WT1: variants seen among roughly 807,000 people sequenced by gnomAD.
The protein encoded by WT1 is Wilms tumor protein.
In WT1, 8 loss-of-function variants were observed where a neutral mutation model predicts 60.8. That is an observed-to-expected ratio of 0.13 (90% CI 0.08 to 0.24). The LOEUF is 0.24. WT1 is among the 10% of genes least tolerant of loss of function. The pLI, the probability that WT1 is intolerant of heterozygous loss-of-function variation, is 1.00. For synonymous variants in WT1, 312 were observed against 297.1 expected (o/e 1.05, Z -0.52); for missense variants, 568 against 711.8 (o/e 0.80, Z 2.30).
intron 7 of WT1, 34 bp from the exon 8 acceptor site, chr11:32,392,789 T>C (rs760854185): frequency 1.2e-6 from 2 of 1,601,662 alleles, no homozygotes; most frequent in Non-Finnish European, 1.7e-6. Context: ...TTGAAAATGA[T>C]ACTGGAAAAG....
Position 32,392,688 on chromosome 11 carries a change from T to C in WT1, c.1332A>G (p.Lys444=), listed in dbSNP as rs1319380075. 4.3e-6 allele frequency: 7 copies of C among 1,614,060 alleles called. No individual in the cohort carries two copies. The highest frequency in any genetic ancestry group is 5.9e-6 in the Non-Finnish European group (7 of 1,179,932). ...AACCTGTATGTCTCCTTTGGTGTCT[T>C]TTGAGCTGGTCTGAACGAGAAAACC... The change falls in exon 8 of 10, where the codon AAA becomes AAG. Residue 444 remains lysine, a synonymous_variant. Transcript: ENST00000452863.
intron 6 of WT1, among the ~76,000 whole-genome samples, chr11:32,397,920 G>A (rs954735716): frequency 5.3e-5 from 8 of 152,170 alleles, no homozygotes; most frequent in African/African-American, 1.9e-4. Context: ...TAGAGGCCAT[G>A]GCAAGTGAGC....
intron 3 of WT1, among the ~76,000 whole-genome samples, chr11:32,425,534 C>T (rs1331753097): frequency 6.6e-6 from 1 of 152,154 alleles, no homozygotes; most frequent in Non-Finnish European, 1.5e-5. Context: ...GGTGCACAGA[C>T]CCAGGTTTAA....
chr11:32,428,688 C>A, intron 1 of WT1, 69 bp from the exon 2 acceptor site: 1 of 1,554,990 alleles, frequency 6.4e-7, no homozygotes, highest in Non-Finnish European at 8.6e-7. Context: ...GGGTCTGAAC[C>A]AGCCACGGGC....
chr11:32,430,451 G>GAGAGAGAGAGAGAGAGAGA (rs1853248948), intron 1 of WT1: 2 of 923,800 alleles, frequency 2.2e-6, no homozygotes, highest in African/African-American at 3.4e-5. Context: ...AGAGAGAGAG[G>GAGAGAGAGAGAGAGAGAGA]GAGGGAGAGA....
intron 7 of WT1, among the ~76,000 whole-genome samples, chr11:32,394,358 GTTC>G (rs1851904848): frequency 6.6e-6 from 1 of 152,112 alleles, no homozygotes; most frequent in African/African-American, 2.4e-5. Flanking sequence ...AACCCAAGCT[GTTC>G]TTCCTCTGAG....
chr11:32,395,511 G>A (rs201513430), intron 7 of WT1, among the ~76,000 whole-genome samples: 36 of 146,238 alleles, frequency 2.5e-4, no homozygotes, highest in African/African-American at 8.4e-4. Flanking sequence ...TTGCTCTGTC[G>A]CCCAGGCTGG....
intron 1 of WT1, chr11:32,429,144 AC>A (rs1193553098): frequency 4.0e-6 from 1 of 250,110 alleles, no homozygotes; most frequent in African/African-American, 2.2e-5. Context: ...AAGAGTAATT[AC>A]CGAGTAATGT....
chr11:32,423,137 A>C (rs1015734070), intron 3 of WT1, among the ~76,000 whole-genome samples: 1 of 152,152 alleles, frequency 6.6e-6, no homozygotes, highest in African/African-American at 2.4e-5. Context: ...AATTGTGCCT[A>C]GTAAGGTTGG....
At chr11:32,417,939 G>A (rs1852731112) in intron 3 of WT1, among the ~76,000 whole-genome samples, 1 of 152,040 alleles carries the variant, frequency 6.6e-6, no homozygotes, top group South Asian at 2.1e-4. Context: ...AACCTTTGAG[G>A]GGAAAAGGCT....
chr11:32,430,862 C>G (rs917477901), intron 1 of WT1: 1 of 1,224,358 alleles, frequency 8.2e-7, no homozygotes, highest in African/African-American at 1.5e-5. Context: ...TTATCGGACA[C>G]GGGTTTGATT....
intron 5 of WT1, among the ~76,000 whole-genome samples, chr11:32,406,465 C>T (rs1189469344): frequency 5.3e-5 from 8 of 152,016 alleles, no homozygotes; most frequent in South Asian, 2.1e-4. Flanking sequence ...CCTCGCCTGC[C>T]GCTCACCTCC....
intron 3 of WT1, among the ~76,000 whole-genome samples, chr11:32,420,600 C>A (rs779320095): frequency 5.9e-5 from 9 of 152,126 alleles, no homozygotes; most frequent in Non-Finnish European, 1.0e-4. Flanking sequence ...ATGCCCAGTG[C>A]TGGCATGCCT....
chr11:32,418,412 G>C (rs1295775833), intron 3 of WT1, among the ~76,000 whole-genome samples: 1 of 152,002 alleles, frequency 6.6e-6, no homozygotes, highest in Admixed American at 6.6e-5. Context: ...TGAATCAATT[G>C]CCAGAAATCT....
chr11:32,392,213 C>G, intron 8 of WT1, 149 bp from the exon 9 acceptor site: 1 of 756,322 alleles, frequency 1.3e-6, no homozygotes, highest in South Asian at 1.4e-5. Flanking sequence ...TTCCCCAGTC[C>G]CCCAGGCCCA....
At chr11:32,401,675 G>T (rs1460375622) in intron 5 of WT1, among the ~76,000 whole-genome samples, 1 of 152,058 alleles carries the variant, frequency 6.6e-6, no homozygotes, top group Admixed American at 6.6e-5. Flanking sequence ...GAGTAGCTGG[G>T]ATTACAGGCG....
intron 7 of WT1, 64 bp downstream of exon 7, chr11:32,396,193 T>G: frequency 6.2e-7 from 1 of 1,608,010 alleles, no homozygotes; most frequent in Non-Finnish European, 8.5e-7. Context: ...CTTAGCAGTG[T>G]GAGAGCCTGG....
rs780092599 is a variant in WT1 at position 32,417,647 on chromosome 11, A to T, written c.895T>A (p.Leu299Ile). 6.2e-7 allele frequency: 1 copy of T among 1,613,818 alleles called. No individual in the cohort carries two copies. Among genetic ancestry groups the T allele is most frequent in the South Asian group, 1.1e-5 (1 of 91,078 alleles). The stretch of plus-strand genomic sequence containing the variant: ...TCAAGCTGGGATGTCATTTGGTATA[A>T]ATTGTCACTGTTAGAAAAACATCTA... Residue 299 changes from leucine to isoleucine, a missense_variant, in exon 4 of 10, where the codon TTA (leucine) becomes ATA (isoleucine). Physicochemically the swap from Leu to Ile is conservative, Grantham distance 5. Transcript: ENST00000452863.
At chr11:32,423,359 G>A (rs1852916345) in intron 3 of WT1, among the ~76,000 whole-genome samples, 1 of 152,224 alleles carries the variant, frequency 6.6e-6, no homozygotes, top group Non-Finnish European at 1.5e-5. Flanking sequence ...GAGGAGTCTG[G>A]AGTTTGAAAG....
Sources: gnomAD v4.1 joint callset for allele counts (sites outside exome capture counted in the v4.1 genomes callset) on GRCh38, gnomAD v4.1.1 for gene constraint, MANE v1.5 for transcripts, NCBI Gene and HGNC (gene_info 2026-07-23, HGNC 2026-07-21) for gene names.